Variants in CRK observed in about 807,000 individuals in gnomAD.
The protein encoded by CRK is adapter molecule crk.
Under a neutral mutation model 29.8 loss-of-function variants are expected in CRK, and 4 were observed. The ratio of observed to expected loss-of-function variants is 0.13; its 90% CI spans 0.07 to 0.31. The LOEUF is 0.31. CRK is among the 10% of genes least tolerant of loss of function. CRK has a pLI of 1.00. For synonymous variants in CRK, 153 were observed against 164.9 expected (o/e 0.93, Z 0.55); for missense variants, 274 against 396.5 (o/e 0.69, Z 2.62).
At chr17:1,439,291 G>A (rs916601686) in intron 1 of CRK, among the ~76,000 whole-genome samples, 1 of 152,076 alleles carries the variant, frequency 6.6e-6, no homozygotes, top group African/African-American at 2.4e-5. Context: ...TAGAGACGGG[G>A]TTTTACCGTG....
intron 1 of CRK, among the ~76,000 whole-genome samples, chr17:1,440,038 G>A (rs936307048): frequency 7.9e-5 from 12 of 151,654 alleles, no homozygotes; most frequent in Non-Finnish European, 1.8e-4. Flanking sequence ...GGTGGCTCAC[G>A]CCTGTAATCC....
chr17:1,424,030 C>A (rs2073752310), intron 2 of CRK, among the ~76,000 whole-genome samples: 1 of 151,690 alleles, frequency 6.6e-6, no homozygotes, highest in African/African-American at 2.4e-5. Flanking sequence ...TTTCTGCCTG[C>A]TCCGCAGGCC....
At chr17:1,445,923 T>G (rs1175992090) in intron 1 of CRK, among the ~76,000 whole-genome samples, 1 of 152,150 alleles carries the variant, frequency 6.6e-6, no homozygotes, top group Non-Finnish European at 1.5e-5. Flanking sequence ...CTCAGTTAAG[T>G]GTTGCTAATT....
chr17:1,449,739 A>G (rs1196594730), intron 1 of CRK, among the ~76,000 whole-genome samples: 2 of 152,184 alleles, frequency 1.3e-5, no homozygotes, highest in Non-Finnish European at 2.9e-5. Context: ...CCAACCTGAC[A>G]GAATGTGACC....
At chr17:1,446,795 G>A (rs1464153157) in intron 1 of CRK, among the ~76,000 whole-genome samples, 7 of 151,296 alleles carry the variant, frequency 4.6e-5, no homozygotes, top group East Asian at 2.0e-4. Flanking sequence ...GGGTTTCACC[G>A]TGTTAACCAG....
At chr17:1,435,776 G>C (rs2073882042) in intron 2 of CRK, among the ~76,000 whole-genome samples, 2 of 151,940 alleles carry the variant, frequency 1.3e-5, no homozygotes, top group African/African-American at 4.8e-5. Context: ...TCCTGCCTTA[G>C]CCTCCCAGAG....
At chr17:1,451,976 GA>G (rs1851292878) in intron 1 of CRK, among the ~76,000 whole-genome samples, 1 of 152,062 alleles carries the variant, frequency 6.6e-6, no homozygotes, top group Non-Finnish European at 1.5e-5. Context: ...GGGCAAGAGC[GA>G]AACTCCATCC....
chr17:1,441,509 G>A (rs1414332289), intron 1 of CRK, among the ~76,000 whole-genome samples: 1 of 147,088 alleles, frequency 6.8e-6, no homozygotes, highest in African/African-American at 2.5e-5. Context: ...TTTTTTTTTT[G>A]AGATGGAGTC....
rs1459497087 is a variant in CRK at position 1,422,745 on chromosome 17, A to G, written c.*768T>C. ...TGACCTACTACGACCCTTTTGGGGA[A>G]GGCAGAGAGCTGGGAGACTGGCTGT... On this transcript the variant is annotated 3_prime_UTR_variant, in exon 3 of 3. Transcript: ENST00000300574. 18 of 391,698 alleles carry G rather than the reference A, an allele frequency of 4.6e-5. No homozygotes were observed. The highest frequency in any genetic ancestry group is 4.0e-4 in the East Asian group (11 of 27,558). 24.3% of individuals were successfully genotyped at this position (391,698 alleles called of 1,614,324 possible).
At chr17:1,444,294 C>T (rs1445180818) in intron 1 of CRK, among the ~76,000 whole-genome samples, 1 of 152,156 alleles carries the variant, frequency 6.6e-6, no homozygotes, top group African/African-American at 2.4e-5. Context: ...CCACCACGCC[C>T]AGCTAAAGAC....
At chr17:1,444,544 G>T (rs985869227) in intron 1 of CRK, among the ~76,000 whole-genome samples, 1 of 148,932 alleles carries the variant, frequency 6.7e-6, no homozygotes, top group African/African-American at 2.5e-5. Context: ...AATAAAAAAA[G>T]CTGGGCGTGG....
intron 1 of CRK, among the ~76,000 whole-genome samples, chr17:1,448,650 T>G (rs1311662022): frequency 8.2e-6 from 1 of 121,646 alleles, no homozygotes; most frequent in Non-Finnish European, 1.7e-5. Flanking sequence ...AAAGAAAAAG[T>G]GGCTCGTACA....
At chr17:1,451,721 A>T (rs1286381467) in intron 1 of CRK, among the ~76,000 whole-genome samples, 1 of 151,718 alleles carries the variant, frequency 6.6e-6, no homozygotes, top group African/African-American at 2.4e-5. Context: ...AGTGGGGGGA[A>T]AAAAAAACAA....
chr17:1,439,338 C>G (rs942148414), intron 1 of CRK, among the ~76,000 whole-genome samples: 2 of 152,088 alleles, frequency 1.3e-5, no homozygotes, highest in Non-Finnish European at 2.9e-5. Context: ...ACCTAGTGAT[C>G]CACCCGCCTC....
chr17:1,426,582 T>C (rs1447825880), intron 2 of CRK: 1 of 151,780 alleles, frequency 6.6e-6, no homozygotes, highest in African/African-American at 2.4e-5. Context: ...AATAAAAAAA[T>C]TGGCTGGGCG....
intron 1 of CRK, among the ~76,000 whole-genome samples, chr17:1,443,651 G>A (rs1181767943): frequency 6.6e-6 from 1 of 151,216 alleles, no homozygotes; most frequent in Non-Finnish European, 1.5e-5. Context: ...CACCCACCTC[G>A]GCCTCCTAAA....
chr17:1,452,211 G>C (rs905995992), intron 1 of CRK, among the ~76,000 whole-genome samples: 9 of 152,124 alleles, frequency 5.9e-5, no homozygotes, highest in Admixed American at 4.6e-4. Flanking sequence ...CTGAATCTAT[G>C]AGTGTTTCCT....
At chr17:1,453,752 CAAAAACTAGCCAGGCGTAGTGG>C (rs1376465015) in intron 1 of CRK, among the ~76,000 whole-genome samples, 1 of 152,058 alleles carries the variant, frequency 6.6e-6, no homozygotes, top group Non-Finnish European at 1.5e-5. Flanking sequence ...ACTAAAAATA[CAAAAACTAGCCAGGCGTAGTGG>C]AGTGTGCCTG....
At chr17:1,429,445 T>C (rs769793068) in intron 2 of CRK, among the ~76,000 whole-genome samples, 2 of 151,986 alleles carry the variant, frequency 1.3e-5, no homozygotes, top group Non-Finnish European at 2.9e-5. Context: ...AGTTAATTTT[T>C]GTATTTTTAG....
Sources: gnomAD v4.1 joint callset for allele counts (sites outside exome capture counted in the v4.1 genomes callset) on GRCh38, gnomAD v4.1.1 for gene constraint, MANE v1.5 for transcripts, NCBI Gene and HGNC (gene_info 2026-07-23, HGNC 2026-07-21) for gene names.